The following SAMTOR variants were observed in gnomAD, a reference collection of about 807,000 sequenced individuals.
The protein encoded by SAMTOR is S-adenosylmethionine sensor upstream of mTORC1.
At chr7:112,896,840 A>G in the SAMTOR span, among the ~76,000 whole-genome samples, 1 of 152,238 alleles carries the variant, frequency 6.6e-6, no homozygotes, top group Non-Finnish European at 1.5e-5. Flanking sequence ...TAGAAAGATA[A>G]GTAGGAATAA....
At chr7:112,884,043 C>T in the SAMTOR span, among the ~76,000 whole-genome samples, 179 of 152,252 alleles carry the variant, frequency 1.2e-3, no homozygotes, top group Non-Finnish European at 1.3e-3. Flanking sequence ...CACATGGTGG[C>T]AGCAAGGAGA....
the SAMTOR span, among the ~76,000 whole-genome samples, chr7:112,921,030 T>C: frequency 6.6e-6 from 1 of 152,092 alleles, no homozygotes; most frequent in African/African-American, 2.4e-5. Context: ...CCCAAGGTAA[T>C]TTATAGATTC....
At chr7:112,905,259 C>G in the SAMTOR span, among the ~76,000 whole-genome samples, 1 of 152,120 alleles carries the variant, frequency 6.6e-6, no homozygotes. Context: ...TCCTTTATAG[C>G]CCTGCATGGT....
the SAMTOR span, among the ~76,000 whole-genome samples, chr7:112,824,199 A>G: frequency 6.6e-6 from 1 of 152,092 alleles, no homozygotes; most frequent in African/African-American, 2.4e-5. Context: ...TAATTTATCA[A>G]TTTGTTCTTT....
At chr7:112,918,501 T>C in the SAMTOR span, among the ~76,000 whole-genome samples, 29 of 152,218 alleles carry the variant, frequency 1.9e-4, no homozygotes, top group African/African-American at 6.3e-4. Context: ...TCATGCCAAA[T>C]TGTAAAGACC....
chr7:112,883,629 T>C, the SAMTOR span, among the ~76,000 whole-genome samples: 1 of 152,240 alleles, frequency 6.6e-6, no homozygotes, highest in South Asian at 2.1e-4. Context: ...CTTAGAGCAC[T>C]GTGCATAAAG....
chr7:112,857,935 G>A, the SAMTOR span, among the ~76,000 whole-genome samples: 1 of 152,188 alleles, frequency 6.6e-6, no homozygotes, highest in African/African-American at 2.4e-5. Context: ...GCATCCTAGA[G>A]CAGCAAGTAG....
At chr7:112,827,861 A>C in the SAMTOR span, among the ~76,000 whole-genome samples, 1 of 152,036 alleles carries the variant, frequency 6.6e-6, no homozygotes, top group Admixed American at 6.6e-5. Flanking sequence ...CTGGGACTAC[A>C]AGTGCACCAT....
At chr7:112,848,230 T>C in the SAMTOR span, among the ~76,000 whole-genome samples, 2 of 152,328 alleles carry the variant, frequency 1.3e-5, no homozygotes, top group Non-Finnish European at 2.9e-5. Context: ...TATATAGCTA[T>C]TGAAACTTTC....
chr7:112,915,499 CT>C, the SAMTOR span: 1 of 1,409,636 alleles, frequency 7.1e-7, no homozygotes, highest in Non-Finnish European at 9.4e-7. Context: ...ATGTCAGACT[CT>C]TGAAATAAGT....
chr7:112,884,650 T>C, the SAMTOR span, among the ~76,000 whole-genome samples: 1 of 152,226 alleles, frequency 6.6e-6, no homozygotes, highest in Non-Finnish European at 1.5e-5. Context: ...CCCACAGCCT[T>C]GGGCAGCTCC....
At chr7:112,870,303 G>GCCAGAT in the SAMTOR span, among the ~76,000 whole-genome samples, 1 of 152,006 alleles carries the variant, frequency 6.6e-6, no homozygotes, top group South Asian at 2.1e-4. Context: ...ACCTATAAAG[G>GCCAGAT]GAAACCCATC....
chr7:112,936,077 G>T, the SAMTOR span, among the ~76,000 whole-genome samples: 2 of 152,152 alleles, frequency 1.3e-5, no homozygotes, highest in African/African-American at 4.8e-5. Context: ...TTACATGGAG[G>T]TCAAATTTTA....
chr7:112,931,141 C>A, the SAMTOR span, among the ~76,000 whole-genome samples: 1 of 152,192 alleles, frequency 6.6e-6, no homozygotes, highest in Non-Finnish European at 1.5e-5. Context: ...TTTAACTGGT[C>A]TGGAGTGGCA....
the SAMTOR span, among the ~76,000 whole-genome samples, chr7:112,884,106 G>A: frequency 6.6e-6 from 1 of 152,292 alleles, no homozygotes; most frequent in African/African-American, 2.4e-5. Context: ...CAGATCTTGT[G>A]AGAACTCACT....
At chr7:112,938,648 CAGG>C in the SAMTOR span, among the ~76,000 whole-genome samples, 5 of 152,314 alleles carry the variant, frequency 3.3e-5, no homozygotes, top group South Asian at 8.3e-4. Flanking sequence ...TTTCGATACT[CAGG>C]AGAAGTCTCT....
At chr7:112,934,421 C>T in the SAMTOR span, among the ~76,000 whole-genome samples, 4 of 152,204 alleles carry the variant, frequency 2.6e-5, no homozygotes, top group Admixed American at 6.5e-5. Flanking sequence ...CAACTCCTAC[C>T]ATTTCCAAAG....
At chr7:112,849,919 C>T in the SAMTOR span, among the ~76,000 whole-genome samples, 2 of 152,130 alleles carry the variant, frequency 1.3e-5, no homozygotes, top group Non-Finnish European at 2.9e-5. Context: ...GTTAAACCAT[C>T]TTTGCAGTTG....
the SAMTOR span, among the ~76,000 whole-genome samples, chr7:112,897,005 C>T: frequency 9.9e-5 from 15 of 152,164 alleles, no homozygotes; most frequent in Middle Eastern, 3.4e-3. Flanking sequence ...TGGACCTATT[C>T]ACAAATGAAA....
Sources: gnomAD v4.1 joint callset for allele counts (sites outside exome capture counted in the v4.1 genomes callset) on GRCh38, gnomAD v4.1.1 for gene constraint, MANE v1.5 for transcripts, NCBI Gene and HGNC (gene_info 2026-07-23, HGNC 2026-07-21) for gene names.